The following TYK2 variants were observed in gnomAD, a reference collection of about 807,000 sequenced individuals.
TYK2 encodes tyrosine kinase 2, also known as non-receptor tyrosine-protein kinase TYK2.
TYK2 carries 65 observed loss-of-function variants against 130.9 expected under a neutral mutation model. The ratio of observed to expected loss-of-function variants is 0.50; its 90% CI spans 0.41 to 0.61. The LOEUF is 0.61. TYK2 is among the 20% of genes least tolerant of loss of function. TYK2 has a pLI of 0.00. For missense variants in TYK2, 1,378 were observed against 1,610.7 expected, an observed-to-expected ratio of 0.86 and a Z score of 2.47; for synonymous variants, 647 against 658.9, an observed-to-expected ratio of 0.98 and a Z score of 0.28.
intron 3 of TYK2, among the ~76,000 whole-genome samples, chr19:10,368,997 C>T (rs1180021304): frequency 2.6e-5 from 4 of 151,994 alleles, no homozygotes; most frequent in African/African-American, 4.8e-5. Flanking sequence ...TTAGAAGAGA[C>T]GAGGTTTCGC....
rs958274716 is a variant in TYK2 at position 10,358,036 on chromosome 19, G to C, written c.2278C>G (p.Pro760Ala). The change falls in exon 16 of 25, where the codon CCT (proline) becomes GCT (alanine). Residue 760 changes from proline (P) to alanine (A), a missense_variant. Transcript: ENST00000525621. ...GTSPFIKLSDPGVGLGALSRE... is the reference protein window; with the variant it reads ...GTSPFIKLSDAGVGLGALSRE... ...GAGAGGGCGCCCAGGCCCACGCCAG[G>C]ATCACTCAGCTTGATGAAGGGGCTG... is the stretch of plus-strand genomic sequence containing the variant. 6.2e-7 allele frequency: 1 copy of C among 1,613,404 alleles called. No homozygotes were observed. The highest frequency in any genetic ancestry group is 1.3e-5 in the African/African-American group (1 of 74,924).
In TYK2 at chr19:10,362,027, C is replaced by T. The variant is rs763506218; in HGVS notation, c.1773+51G>A. On this transcript the variant is annotated intron_variant, in intron 12 of 24. Coordinates refer to ENST00000525621, the MANE Select transcript of TYK2 (RefSeq NM_003331.5). ...GCTGATCTCCCAGGGCCCCCAGCAC[C>T]CACATCCCCAGGGGCCCTGCCCTTG... 5 of 1,612,758 alleles carry T rather than the reference C, an allele frequency of 3.1e-6. No homozygotes were observed. The East Asian group carries it at 1.1e-4, about 36-fold the overall frequency.
chr19:10,378,833 A>ACATCTTATCTTATCT lies in TYK2; in HGVS notation c.-20-408_-20-407insAGATAAGATAAGATG, dbSNP rs1319897948. 6.9e-3 allele frequency among the ~76,000 whole-genome samples: 1,023 copies of ACATCTTATCTTATCT among 148,912 alleles called. 10 individuals are homozygous for ACATCTTATCTTATCT. Among genetic ancestry groups the ACATCTTATCTTATCT allele is most frequent in the Non-Finnish European group, 7.1e-3 (482 of 67,500 alleles). ...CTGTTTCTACAAGACGTTTTATTTT[A>ACATCTTATCTTATCT]TATCTTATCTTATCTTATCTTATCT... On this transcript the variant is annotated intron_variant, in intron 2 of 24. Transcript: ENST00000525621.
At chr19:10,355,640 CAAAA>C (rs34951532) in intron 18 of TYK2, among the ~76,000 whole-genome samples, 1 of 69,946 alleles carries the variant, frequency 1.4e-5, no homozygotes. Flanking sequence ...AACTCCATCT[CAAAA>C]AAAAAAAAAA....
chr19:10,370,144 T>C lies in TYK2; in HGVS notation c.194-1726A>G, dbSNP rs185523443. Among the ~76,000 whole-genome samples the C allele has an allele frequency of 2.2e-4, 34 of 151,876 alleles. 1 individual carries two copies. The East Asian group carries it at 5.6e-3, about 25-fold the overall frequency. On this transcript the variant is annotated intron_variant, in intron 3 of 24. Coordinates refer to ENST00000525621, the MANE Select transcript of TYK2 (RefSeq NM_003331.5). ...TGGGAGTCTGAGGCAGGTGGATCAC[T>C]TGAGGTCAGGAGTTCGAGACCAGCG... is the stretch of plus-strand genomic sequence containing the variant.
intron 3 of TYK2, among the ~76,000 whole-genome samples, chr19:10,371,982 T>C (rs1204199692): frequency 6.6e-6 from 1 of 151,512 alleles, no homozygotes; most frequent in African/African-American, 2.4e-5. Flanking sequence ...TCAGGGAAGA[T>C]GTTTCTGAGT....
At chr19:10,367,185 C>T (rs2041700397) in intron 5 of TYK2, among the ~76,000 whole-genome samples, 1 of 152,156 alleles carries the variant, frequency 6.6e-6, no homozygotes, top group Non-Finnish European at 1.5e-5. Flanking sequence ...AGCCAGAGAA[C>T]TCTAATTTCC....
chr19:10,378,120 G>T, intron 3 of TYK2, 94 bp downstream of exon 3: 1 of 1,287,528 alleles, frequency 7.8e-7, no homozygotes, highest in Non-Finnish European at 1.1e-6. Flanking sequence ...ATGGGTGGGT[G>T]GATGGGTGGG....
intron 7 of TYK2, among the ~76,000 whole-genome samples, chr19:10,365,269 C>T (rs1056078547): frequency 2.0e-5 from 3 of 152,156 alleles, no homozygotes; most frequent in Non-Finnish European, 2.9e-5. Flanking sequence ...TCCTGACCCC[C>T]TCACACCCAG....
chr19:10,353,553 A>G lies in TYK2; in HGVS notation c.3002T>C (p.Leu1001Pro). 1.3e-6 allele frequency: 2 copies of G among 1,499,814 alleles called. No homozygotes were observed. Among genetic ancestry groups the G allele is most frequent in the Non-Finnish European group, 1.8e-6 (2 of 1,120,306 alleles). 92.9% of individuals were successfully genotyped at this position (1,499,814 alleles called of 1,614,324 possible). ...PRHSIGLAQLLLFAQQICEGM... is the reference protein window; with the variant it reads ...PRHSIGLAQLPLFAQQICEGM... ...CTCGCAGATCTGCTGGGCGAAGAGC[A>G]GCAGCTGGGCCAGCCCGATGCTGTG... The change falls in exon 21 of 25, where the codon CTG (leucine) becomes CCG (proline). Residue 1001 changes from leucine to proline, a missense_variant. Leu to Pro is a moderately conservative substitution (Grantham distance 98, BLOSUM62 -3). Coordinates refer to ENST00000525621, the MANE Select transcript of TYK2 (RefSeq NM_003331.5). This position sits in a 1 kb window ranked among gnomAD's most constrained non-coding sequence, Gnocchi z 6.9.
Position 10,378,264 on chromosome 19 carries a change from T to A in TYK2, c.143A>T (p.Glu48Val), listed in dbSNP as rs777293951. The A allele has an allele frequency of 3.7e-6, 6 of 1,612,906 alleles. No homozygotes were observed. The South Asian group carries it at 6.6e-5, about 18-fold the overall frequency. Residue 48 changes from glutamate to valine, a missense_variant, in exon 3 of 25, where the codon GAG becomes GTG. By Grantham distance (121) the Glu-to-Val change is moderately radical. Transcript: ENST00000525621. ...GGGEPWVTFS[E>V]SSLTAEEVCI... ...GACTTCCTCAGCTGTCAGCGATGAC[T>A]CACTGAAAGTGACCCAGGGCTCCCC...
intron 5 of TYK2, among the ~76,000 whole-genome samples, chr19:10,367,217 G>A (rs1174372980): frequency 6.6e-6 from 1 of 152,142 alleles, no homozygotes; most frequent in Non-Finnish European, 1.5e-5. Context: ...ACCTTGAGGA[G>A]GGGAGAGACC....
At position 10,353,932 on chromosome 19, in the gene TYK2, G is replaced by A; in HGVS notation, c.2908+110C>T. The stretch of plus-strand genomic sequence containing the variant: ...TGCCAAGAACCGCGTACTGCAGCCT[G>A]GGGTTGAGAGTCTCTAATTGGCTAG... On this transcript the variant is annotated intron_variant, in intron 20 of 24. Transcript: ENST00000525621. The surrounding 1 kb of genome is among the most constrained non-coding windows in gnomAD (Gnocchi z 6.9). 8.4e-7 allele frequency: 1 copy of A among 1,183,528 alleles called. No homozygotes were observed. The highest frequency in any genetic ancestry group is 1.2e-6 in the Non-Finnish European group (1 of 811,512). 73.3% of individuals were successfully genotyped at this position (1,183,528 alleles called of 1,614,324 possible).
At chr19:10,371,948 G>A (rs1010154162) in intron 3 of TYK2, among the ~76,000 whole-genome samples, 2 of 152,026 alleles carry the variant, frequency 1.3e-5, no homozygotes, top group African/African-American at 4.8e-5. Context: ...GACTGTCACT[G>A]TCCAGGAGTG....
At position 10,358,015 on chromosome 19, in the gene TYK2, G is replaced by C. The variant is rs1599336544; in HGVS notation, c.2299C>G (p.Leu767Val). The change falls in exon 16 of 25, where the codon CTC (leucine) becomes GTC (valine). Residue 767 changes from leucine (L) to valine (V), a missense_variant. Physicochemically the swap from Leu to Val is conservative, Grantham distance 32. Coordinates refer to ENST00000525621, the MANE Select transcript of TYK2 (RefSeq NM_003331.5). The stretch of plus-strand genomic sequence containing the variant: ...CTCAGGTACTCACCCTCCCTGGAGA[G>C]GGCGCCCAGGCCCACGCCAGGATCA... ...LSDPGVGLGA[L>V]SREERVERIP... The C allele has an allele frequency of 6.2e-7, 1 of 1,613,488 alleles. No homozygotes were observed.
Position 10,353,805 on chromosome 19 carries a change from C to T in TYK2, c.2909-159G>A, listed in dbSNP as rs974651361. ...GGTGGGATGGACCCATCCAGAACCC[C>T]ATTCTCACTTGAGGGAGCTGCTGGT... On this transcript the variant is annotated intron_variant, in intron 20 of 24. Transcript: ENST00000525621. This position sits in a 1 kb window ranked among gnomAD's most constrained non-coding sequence, Gnocchi z 6.9. The T allele has an allele frequency of 1.5e-6, 1 of 683,678 alleles. No individual in the cohort carries two copies. Among genetic ancestry groups the T allele is most frequent in the Admixed American group, 2.8e-5 (1 of 35,844 alleles). The allele number at this position is 683,678 out of a possible 1,614,324, so 42.4% of individuals were successfully genotyped here.
In TYK2 at chr19:10,366,572, A is replaced by G. The variant is rs1846467582; in HGVS notation, c.474T>C (p.His158=). ...SFEYLFEQGK[H]EFVNDVASLW... ...GTGATGCCACGTCATTCACAAACTC[A>G]TGCTTGCCCTGGGAACAGGAAATTG... is the stretch of plus-strand genomic sequence containing the variant. Residue 158 remains histidine, a synonymous_variant, in exon 6 of 25, where the codon CAT becomes CAC. Transcript: ENST00000525621. 6.2e-7 allele frequency: 1 copy of G among 1,613,494 alleles called. No individual in the cohort carries two copies. Among genetic ancestry groups the G allele is most frequent in the Non-Finnish European group, 8.5e-7 (1 of 1,179,600 alleles).
At chr19:10,377,552 G>A (rs1302626367) in intron 3 of TYK2, among the ~76,000 whole-genome samples, 30 of 82,104 alleles carry the variant, frequency 3.7e-4, no homozygotes, top group Middle Eastern at 0.012. Flanking sequence ...GGATGGGTGG[G>A]TGGGTGGATG....
rs1275374723 is a variant in TYK2, at chr19:10,364,788, C to T, written c.1210-17G>A. On this transcript the variant is annotated splice_polypyrimidine_tract_variant and intron_variant, in intron 8 of 24. Coordinates refer to ENST00000525621, the MANE Select transcript of TYK2 (RefSeq NM_003331.5). The surrounding 1 kb of genome is among the most constrained non-coding windows in gnomAD (Gnocchi z 4.9). ...GCTCAGCTCCTGCCAGCCAGGGGCG[C>T]ATCAGGTGGGTGTCCTCCCAGGCCA... 2.5e-6 allele frequency: 4 copies of T among 1,613,918 alleles called. No individual in the cohort carries two copies. Among genetic ancestry groups the T allele is most frequent in the Non-Finnish European group, 3.4e-6 (4 of 1,180,054 alleles).
Sources: allele counts gnomAD v4.1 joint callset (sites outside exome capture counted in the v4.1 genomes callset), GRCh38; gene constraint gnomAD v4.1.1; non-coding constraint Gnocchi (gnomAD v3.1); transcripts MANE v1.5; gene names NCBI Gene and HGNC (gene_info 2026-07-23, HGNC 2026-07-21).